The following FHIT variants were observed in gnomAD, a reference collection of about 807,000 sequenced individuals.
FHIT encodes the protein fragile histidine triad diadenosine triphosphatase.
In FHIT, 19 loss-of-function variants were observed where a neutral mutation model predicts 17.9. The observed-to-expected ratio is 1.06, with a 90% CI of 0.74 to 1.56. The LOEUF (loss-of-function observed/expected upper bound fraction) is 1.56, where lower values mean the gene tolerates loss of function less well. Among genes scored for constraint, FHIT ranks in the 40% most tolerant of loss-of-function variants. The probability of loss-of-function intolerance (pLI) is 0.00; values close to 1 mark genes in which losing one functional copy is unlikely to be tolerated. For missense variants in FHIT, 248 were observed against 189.2 expected, an observed-to-expected ratio of 1.31 and a Z score of -1.82; for synonymous variants, 81 against 69.7, an observed-to-expected ratio of 1.16 and a Z score of -0.81.
intron 3 of FHIT, among the ~76,000 whole-genome samples, chr3:61,032,640 G>A (rs947283570): frequency 2.6e-5 from 4 of 152,170 alleles, no homozygotes; most frequent in African/African-American, 9.7e-5. Context: ...TAAACAATCA[G>A]CTTTGGGGAA....
chr3:60,923,785 G>C (rs1016197739), intron 3 of FHIT, among the ~76,000 whole-genome samples: 3 of 152,136 alleles, frequency 2.0e-5, no homozygotes. Flanking sequence ...GAAGCACAAG[G>C]GGTCAGAGAA....
chr3:60,198,833 G>A (rs930173461), intron 5 of FHIT, among the ~76,000 whole-genome samples: 1 of 152,130 alleles, frequency 6.6e-6, no homozygotes, highest in African/African-American at 2.4e-5. Context: ...ATTTGCACCA[G>A]TGTAAAGGTA....
intron 2 of FHIT, among the ~76,000 whole-genome samples, chr3:61,168,406 C>CA (rs921519138): frequency 2.6e-5 from 4 of 152,110 alleles, no homozygotes; most frequent in Admixed American, 6.5e-5. Flanking sequence ...CAAAAGTATG[C>CA]AAAAAATGGC....
intron 8 of FHIT, among the ~76,000 whole-genome samples, chr3:59,791,629 G>C (rs766927395): frequency 6.6e-6 from 1 of 152,118 alleles, no homozygotes; most frequent in African/African-American, 2.4e-5. Flanking sequence ...GCAGTCTATT[G>C]AGCATGTACT....
chr3:60,718,365 C>A (rs2041734414), intron 4 of FHIT, among the ~76,000 whole-genome samples: 1 of 152,180 alleles, frequency 6.6e-6, no homozygotes. Flanking sequence ...CAGGAACATT[C>A]TATGGCTGCC....
intron 7 of FHIT, 67 bp downstream of exon 7, chr3:60,011,304 G>C (rs187030703): frequency 1.4e-6 from 2 of 1,459,110 alleles, no homozygotes; most frequent in Non-Finnish European, 9.6e-7. Flanking sequence ...CATATGACTC[G>C]TTGTGATTTT....
intron 5 of FHIT, among the ~76,000 whole-genome samples, chr3:60,462,971 T>G (rs915867305): frequency 5.9e-5 from 9 of 152,226 alleles, no homozygotes; most frequent in Non-Finnish European, 1.2e-4. Flanking sequence ...ACCACCTCTG[T>G]GCTGTGCCAC....
intron 1 of FHIT, among the ~76,000 whole-genome samples, chr3:61,207,637 T>G (rs1008827981): frequency 6.6e-6 from 1 of 152,208 alleles, no homozygotes; most frequent in Non-Finnish European, 1.5e-5. Flanking sequence ...CTGATGGTAG[T>G]TTGTATTTCT....
At chr3:60,228,674 A>C (rs1212693611) in intron 5 of FHIT, among the ~76,000 whole-genome samples, 1 of 152,184 alleles carries the variant, frequency 6.6e-6, no homozygotes, top group Non-Finnish European at 1.5e-5. Context: ...TACGACTTTT[A>C]GGTACAAAGG....
intron 5 of FHIT, among the ~76,000 whole-genome samples, chr3:60,500,796 A>AAAAAAAAG (rs2034495071): frequency 6.8e-6 from 1 of 146,416 alleles, no homozygotes; most frequent in Non-Finnish European, 1.5e-5. Context: ...AAAAAAAAAA[A>AAAAAAAAG]ATTGTATTGG....
At chr3:60,080,818 T>A (rs1182020859) in intron 5 of FHIT, 1 of 152,246 alleles carries the variant, frequency 6.6e-6, no homozygotes, top group South Asian at 2.1e-4. Context: ...TGATGACAAA[T>A]CTCAAAACTG....
rs549413988 is a variant in FHIT, at chr3:60,850,176, T to G, written c.-110-28165A>C. Among the ~76,000 whole-genome samples, 5 of 152,178 alleles carry G rather than the reference T, an allele frequency of 3.3e-5. 1 individual carries two copies. The South Asian group carries it at 1.0e-3, about 32-fold the overall frequency. On this transcript the variant is annotated intron_variant, in intron 3 of 9. Coordinates refer to ENST00000492590, the MANE Select transcript of FHIT (RefSeq NM_002012.4). ...CCTCTGCCAGCTCTAATCTTATCTC[T>G]TCAGAGAGGCCTTCGCTGACTATCC...
chr3:59,877,942 G>T (rs1017928114), intron 8 of FHIT, among the ~76,000 whole-genome samples: 2 of 152,192 alleles, frequency 1.3e-5, no homozygotes, highest in Non-Finnish European at 1.5e-5. Context: ...AATGTTAAAA[G>T]ATTTAGTAGG....
intron 4 of FHIT, among the ~76,000 whole-genome samples, chr3:60,677,116 ATCTGCCC>A (rs1159142085): frequency 1.3e-5 from 2 of 152,022 alleles, no homozygotes; most frequent in African/African-American, 4.8e-5. Context: ...GGCTCAATTG[ATCTGCCC>A]GCCTGGGCCT....
intron 5 of FHIT, among the ~76,000 whole-genome samples, chr3:60,158,762 G>T (rs75377425): frequency 0.013 from 1,948 of 152,248 alleles, 49 homozygotes; most frequent in African/African-American, 0.045. Flanking sequence ...CTTTAGAGAT[G>T]TGAGATATCC....
In FHIT at chr3:60,830,434, AAT is replaced by A. The variant is rs1702290580; in HGVS notation, c.-110-8425_-110-8424del. The stretch of plus-strand genomic sequence containing the variant: ...ACCAAAAGAAGAGAGTGGTAAGTGA[AAT>A]ATAAGGTACCATTAGAGATTTCTCT... On this transcript the variant is annotated intron_variant, in intron 3 of 9. Transcript: ENST00000492590. 2.0e-5 allele frequency among the ~76,000 whole-genome samples: 3 copies of A among 152,182 alleles called. No individual in the cohort carries two copies. In the South Asian group the frequency reaches 6.2e-4, roughly 32 times the overall value.
intron 5 of FHIT, among the ~76,000 whole-genome samples, chr3:60,073,126 A>G (rs937505524): frequency 2.0e-5 from 3 of 152,170 alleles, no homozygotes; most frequent in Non-Finnish European, 2.9e-5. Context: ...TTAATTAACA[A>G]TTCAAGTGAC....
rs114933556 is a variant in FHIT at position 60,022,447 on chromosome 3, C to A, written c.104-8295G>T. The stretch of plus-strand genomic sequence containing the variant: ...TGAGCGAAAATGATATACGTCACTT[C>A]TGGGCTAAAGCCCTTAACTTCTAGT... On this transcript the variant is annotated intron_variant, in intron 5 of 9. Coordinates refer to ENST00000492590, the MANE Select transcript of FHIT (RefSeq NM_002012.4). Among the ~76,000 whole-genome samples the A allele has an allele frequency of 1.4e-3, 209 of 152,338 alleles. 1 individual carries two copies. The highest frequency in any genetic ancestry group is 4.6e-3 in the African/African-American group (191 of 41,586).
chr3:60,456,043 T>A (rs574575087), intron 5 of FHIT, among the ~76,000 whole-genome samples: 2 of 152,256 alleles, frequency 1.3e-5, no homozygotes, highest in South Asian at 2.1e-4. Flanking sequence ...TCCACGTTCA[T>A]GAAGACACTG....
Sources: allele counts gnomAD v4.1 joint callset (sites outside exome capture counted in the v4.1 genomes callset), GRCh38; gene constraint gnomAD v4.1.1; transcripts MANE v1.5; gene names NCBI Gene and HGNC (gene_info 2026-07-23, HGNC 2026-07-21).